The following TMEM178B variants were observed in gnomAD, a reference collection of about 807,000 sequenced individuals.
The protein encoded by TMEM178B is transmembrane protein 178B.
In TMEM178B, 5 loss-of-function variants were observed where a neutral mutation model predicts 31.0. The ratio of observed to expected loss-of-function variants is 0.16; its 90% CI spans 0.08 to 0.34. The LOEUF (loss-of-function observed/expected upper bound fraction) is 0.34. Among genes scored for constraint, TMEM178B ranks in the 10% least tolerant of loss-of-function variants. TMEM178B has a pLI of 1.00. For missense variants in TMEM178B, 275 were observed against 400.3 expected, an observed-to-expected ratio of 0.69 and a Z score of 2.67; for synonymous variants, 164 against 164.0, an observed-to-expected ratio of 1.00 and a Z score of 0.00.
At chr7:141,188,137 A>C in intron 1 of TMEM178B, among the ~76,000 whole-genome samples, 1 of 152,176 alleles carries the variant, frequency 6.6e-6, no homozygotes, top group East Asian at 1.9e-4. Flanking sequence ...TAAGCAAGGG[A>C]TGTTTTTAAA....
chr7:141,155,893 C>G (rs577744025), intron 1 of TMEM178B, among the ~76,000 whole-genome samples: 1 of 152,080 alleles, frequency 6.6e-6, no homozygotes, highest in Non-Finnish European at 1.5e-5. Context: ...GGTGAAAACC[C>G]GTTGTTACTA....
At chr7:141,129,864 G>A (rs1795565967) in intron 1 of TMEM178B, among the ~76,000 whole-genome samples, 1 of 152,118 alleles carries the variant, frequency 6.6e-6, no homozygotes, top group Admixed American at 6.6e-5. Context: ...GGGGCTGCAC[G>A]GCTTCCAGGC....
intron 1 of TMEM178B, among the ~76,000 whole-genome samples, chr7:141,084,699 G>A (rs542889965): frequency 1.3e-5 from 2 of 152,208 alleles, no homozygotes; most frequent in South Asian, 4.2e-4. Context: ...TAGTCTCCCT[G>A]CCACCCCTGC....
intron 1 of TMEM178B, among the ~76,000 whole-genome samples, chr7:141,077,175 A>G (rs1794612227): frequency 6.6e-6 from 1 of 152,272 alleles, no homozygotes; most frequent in African/African-American, 2.4e-5. Flanking sequence ...ATATCCCTAT[A>G]TTTAAATGAG....
intron 1 of TMEM178B, among the ~76,000 whole-genome samples, chr7:141,081,979 T>G (rs1355575809): frequency 6.6e-6 from 1 of 152,218 alleles, no homozygotes; most frequent in African/African-American, 2.4e-5. Context: ...TTTCCTATGT[T>G]TAGAAACACA....
At chr7:141,181,032 C>G (rs1243631979) in intron 1 of TMEM178B, among the ~76,000 whole-genome samples, 1 of 152,178 alleles carries the variant, frequency 6.6e-6, no homozygotes, top group Non-Finnish European at 1.5e-5. Context: ...ATCCATCTCT[C>G]CATTCCTCAT....
At chr7:141,317,011 T>G (rs762403587) in intron 2 of TMEM178B, among the ~76,000 whole-genome samples, 2 of 152,208 alleles carry the variant, frequency 1.3e-5, no homozygotes, top group Non-Finnish European at 2.9e-5. Flanking sequence ...TGGATATCCT[T>G]GTTCAACTCA....
intron 1 of TMEM178B, among the ~76,000 whole-genome samples, chr7:141,106,085 C>CAAAAA (rs3032870): frequency 8.1e-6 from 1 of 122,840 alleles, no homozygotes; most frequent in Non-Finnish European, 1.7e-5. Context: ...GACCCTGTCT[C>CAAAAA]AAAAAAAAAA....
intron 2 of TMEM178B, among the ~76,000 whole-genome samples, chr7:141,213,311 T>G (rs1410631990): frequency 2.6e-5 from 4 of 152,352 alleles, no homozygotes; most frequent in African/African-American, 9.6e-5. Flanking sequence ...CCAGGGATCC[T>G]CAGAGACTTA....
At chr7:141,389,895 T>C (rs1800503723) in intron 2 of TMEM178B, among the ~76,000 whole-genome samples, 1 of 152,122 alleles carries the variant, frequency 6.6e-6, no homozygotes, top group Non-Finnish European at 1.5e-5. Flanking sequence ...CTGCCTGGGA[T>C]GTCTAGAAAA....
intron 1 of TMEM178B, among the ~76,000 whole-genome samples, chr7:141,080,020 G>A (rs1016397311): frequency 1.9e-4 from 29 of 152,090 alleles, no homozygotes; most frequent in East Asian, 7.7e-4. Context: ...AAGAAACTGG[G>A]ATATTGATTC....
chr7:141,113,387 AGACTTGAAAACCATTG>A (rs1401718588), intron 1 of TMEM178B, among the ~76,000 whole-genome samples: 19 of 152,288 alleles, frequency 1.2e-4, no homozygotes, highest in Non-Finnish European at 2.4e-4. Context: ...GCACACCATC[AGACTTGAAAACCATTG>A]GACTTGAAAA....
At chr7:141,216,227 T>C (rs1797141737) in intron 2 of TMEM178B, among the ~76,000 whole-genome samples, 1 of 152,136 alleles carries the variant, frequency 6.6e-6, no homozygotes, top group Admixed American at 6.5e-5. Flanking sequence ...CACAATTTGG[T>C]TTAAAACTAC....
At chr7:141,075,982 T>A (rs1213021011) in intron 1 of TMEM178B, among the ~76,000 whole-genome samples, 3 of 152,166 alleles carry the variant, frequency 2.0e-5, no homozygotes, top group Non-Finnish European at 4.4e-5. Flanking sequence ...CAGGTCAGAT[T>A]TAGGTGAGGT....
intron 2 of TMEM178B, among the ~76,000 whole-genome samples, chr7:141,293,855 A>G (rs1159273373): frequency 1.3e-5 from 2 of 152,312 alleles, no homozygotes; most frequent in Admixed American, 1.3e-4. Context: ...TTATAAACCT[A>G]TAATAATAGA....
At chr7:141,406,790 C>T (rs1800893496) in intron 2 of TMEM178B, among the ~76,000 whole-genome samples, 1 of 152,172 alleles carries the variant, frequency 6.6e-6, no homozygotes, top group Non-Finnish European at 1.5e-5. Flanking sequence ...GGTAAAGATC[C>T]TATAACAAGC....
intron 1 of TMEM178B, among the ~76,000 whole-genome samples, chr7:141,109,452 T>C (rs976455424): frequency 1.3e-5 from 2 of 152,168 alleles, no homozygotes; most frequent in African/African-American, 2.4e-5. Flanking sequence ...TTATTGGCAA[T>C]GACAAAGCTT....
At chr7:141,357,465 C>T (rs2116540805) in intron 2 of TMEM178B, among the ~76,000 whole-genome samples, 2 of 152,300 alleles carry the variant, frequency 1.3e-5, no homozygotes, top group East Asian at 3.9e-4. Context: ...TCTTTCTCAG[C>T]CCTTGCTGTC....
chr7:141,331,232 A>G (rs1003735728), intron 2 of TMEM178B, among the ~76,000 whole-genome samples: 4 of 152,222 alleles, frequency 2.6e-5, no homozygotes, highest in African/African-American at 7.2e-5. Flanking sequence ...CTCTAAGGCC[A>G]TAGAATAGAT....
Sources: gnomAD v4.1 joint callset for allele counts (sites outside exome capture counted in the v4.1 genomes callset) on GRCh38, gnomAD v4.1.1 for gene constraint, MANE v1.5 for transcripts, NCBI Gene and HGNC (gene_info 2026-07-23, HGNC 2026-07-21) for gene names.